Variants in NBPF26 observed in about 807,000 individuals in gnomAD.
The protein encoded by NBPF26 is NBPF member 26, also known as NBPF family member NBPF26.
NBPF26 carries 79 observed loss-of-function variants against 119.6 expected under a neutral mutation model. The observed-to-expected ratio is 0.66, with a 90% CI of 0.55 to 0.80. The LOEUF is 0.80. NBPF26 is among the 30% of genes least tolerant of loss of function. NBPF26 has a pLI of 0.00. For missense variants in NBPF26, 800 were observed against 1,198.2 expected, an observed-to-expected ratio of 0.67 and a Z score of 4.91; for synonymous variants, 299 against 457.7, an observed-to-expected ratio of 0.65 and a Z score of 4.43.
chr1:120,840,419 G>A lies in NBPF26; in HGVS notation c.4173G>A (p.Ser1391=), dbSNP rs1553273458. The change falls in exon 30 of 30, where the codon TCG becomes TCA. Residue 1391 remains serine (S), a synonymous_variant. Coordinates refer to ENST00000620612, the Ensembl canonical transcript of NBPF26. ...AGGACTCACTGGATATATGTTATTCGACTCCGTCAATGTACTTTGAACTAC... is the reference window on the plus strand; with the variant it reads ...AGGACTCACTGGATATATGTTATTCAACTCCGTCAATGTACTTTGAACTAC... 3.0e-4 allele frequency: 435 copies of A among 1,466,938 alleles called. 128 individuals carry two copies. In the African/African-American group the frequency reaches 6.8e-3, roughly 23 times the overall value. The allele number at this position is 1,466,938 out of a possible 1,614,324, so 90.9% of individuals were successfully genotyped here. A position where few individuals can be genotyped will look rare whatever the true frequency, so the allele number is the denominator to read the frequency against.
At position 120,790,240 on chromosome 1, in the gene NBPF26, G is replaced by A. The variant is rs1322768946; in HGVS notation, c.416-2921G>A. ...CTTGTTAGCCAGAATGGTCTGGATC[G>A]CCTGACCTCATGATCCACCCGCCTC... is the stretch of plus-strand genomic sequence containing the variant. On this transcript the variant is annotated intron_variant, in intron 3 of 29. Transcript: ENST00000620612. Among the ~76,000 whole-genome samples the A allele has an allele frequency of 8.4e-4, 89 of 106,164 alleles. 19 individuals are homozygous for A. The highest frequency in any genetic ancestry group is 1.1e-3 in the Non-Finnish European group (64 of 57,078). 69.6% of individuals were successfully genotyped at this position (106,164 alleles called of 152,430 possible).
downstream of NBPF26, chr1:120,841,053 G>C: frequency 1.2e-5 from 1 of 86,076 alleles, no homozygotes; most frequent in South Asian, 1.6e-4. Context: ...AACACAGGAG[G>C]GATCCTTGGC....
chr1:120,805,407 T>G lies in NBPF26; in HGVS notation c.752-149T>G, dbSNP rs1359331519. 1.6e-6 allele frequency: 2 copies of G among 1,236,258 alleles called. 1 individual carries two copies. Among genetic ancestry groups the G allele is most frequent in the Non-Finnish European group, 2.2e-6 (2 of 918,990 alleles). The allele number at this position is 1,236,258 out of a possible 1,614,324, so 76.6% of individuals were successfully genotyped here. On this transcript the variant is annotated intron_variant, in intron 4 of 29. Coordinates refer to ENST00000620612, the Ensembl canonical transcript of NBPF26. ...GGCACCTCGAACCTTGTTTTTGTGG[T>G]GAAGGATCCTAAAGTGCTGTGGGGA...
In NBPF26 at chr1:120,807,737, G is replaced by C. The variant is rs1230682979; in HGVS notation, c.1064+28G>C. ...GAGGGGACCCCATGGGGGCAGGCAG[G>C]GGGGCAGGTGTGTAAATCTCTGAAG... On this transcript the variant is annotated intron_variant, in intron 6 of 29. Transcript: ENST00000620612. 1.5e-5 allele frequency: 16 copies of C among 1,094,668 alleles called. 1 individual carries two copies. Among genetic ancestry groups the C allele is most frequent in the Non-Finnish European group, 2.1e-5 (16 of 761,858 alleles). 67.8% of individuals were successfully genotyped at this position (1,094,668 alleles called of 1,614,324 possible).
chr1:120,767,748 C>T (rs1267829229), intron 2 of NBPF26, among the ~76,000 whole-genome samples: 1 of 115,776 alleles, frequency 8.6e-6, no homozygotes, highest in African/African-American at 5.1e-5. Flanking sequence ...TTGCTTCAGA[C>T]TTTCAAATAT....
In NBPF26 at chr1:120,804,618, A is replaced by T. The variant is rs1471910262; in HGVS notation, c.752-938A>T. The stretch of plus-strand genomic sequence containing the variant: ...TTTGATCACTTGATACCTTGAAAAG[A>T]GGTCTTGTGGCACTAGAATGACATC... On this transcript the variant is annotated intron_variant, in intron 4 of 29. Coordinates refer to ENST00000620612, the Ensembl canonical transcript of NBPF26. 3.4e-5 allele frequency among the ~76,000 whole-genome samples: 4 copies of T among 118,996 alleles called. 2 individuals are homozygous for T. Among genetic ancestry groups the T allele is most frequent in the Non-Finnish European group, 6.6e-5 (4 of 60,582 alleles). The allele number at this position is 118,996 out of a possible 152,430, so 78.1% of individuals were successfully genotyped here. A position where few individuals can be genotyped will look rare whatever the true frequency, so the allele number is the denominator to read the frequency against.
chr1:120,781,712 T>C (rs1361035921), intron 2 of NBPF26, among the ~76,000 whole-genome samples: 65,625 of 85,820 alleles, frequency 0.76, 28,308 homozygotes, highest in African/African-American at 0.88. Context: ...TACAGGCGCC[T>C]GCCACCACGC....
chr1:120,814,874 G>T lies in NBPF26; in HGVS notation c.1923G>T (p.Gln641His). Reference sequence around the variant, plus strand: ...ACGCTCAGGAACGAGAGCTGACCCAGTTAAGGGAGAAGTTGCGGGAAGGGA... The same window carrying T: ...ACGCTCAGGAACGAGAGCTGACCCATTTAAGGGAGAAGTTGCGGGAAGGGA... Residue 641 changes from glutamine to histidine, a missense_variant, in exon 12 of 30, where the codon CAG becomes CAT. Gln to His is a conservative substitution (Grantham distance 24). Coordinates refer to ENST00000620612, the Ensembl canonical transcript of NBPF26. The T allele has an allele frequency of 4.0e-6, 5 of 1,246,514 alleles. 1 individual carries two copies. Among genetic ancestry groups the T allele is most frequent in the East Asian group, 2.3e-5 (1 of 43,760 alleles). The allele number at this position is 1,246,514 out of a possible 1,614,324, so 77.2% of individuals were successfully genotyped here. A position where few individuals can be genotyped will look rare whatever the true frequency, so the allele number is the denominator to read the frequency against.
Position 120,765,167 on chromosome 1 carries a change from A to G in NBPF26, c.155+1458A>G, listed in dbSNP as rs1651177282. On this transcript the variant is annotated intron_variant, in intron 2 of 29. Coordinates refer to ENST00000620612, the Ensembl canonical transcript of NBPF26. ...TCATTTAGTTTTTCTAGCTGGGGGA[A>G]AAAAAAAACATGTGGTGCATTCTCC... Among the ~76,000 whole-genome samples, 2 of 120,854 alleles carry G rather than the reference A, an allele frequency of 1.7e-5. 1 individual carries two copies. The highest frequency in any genetic ancestry group is 4.9e-4 in the South Asian group (2 of 4,084). The allele number at this position is 120,854 out of a possible 152,430, so 79.3% of individuals were successfully genotyped here. A position where few individuals can be genotyped will look rare whatever the true frequency, so the allele number is the denominator to read the frequency against.
In NBPF26 at chr1:120,822,009, T is replaced by A; in HGVS notation, c.2424-95T>A. On this transcript the variant is annotated intron_variant, in intron 15 of 29. Coordinates refer to ENST00000620612, the Ensembl canonical transcript of NBPF26. ...AAATGCCTTTGGTTTCTGTGACCAC[T>A]CCATTCTGTCTCCCATCAGATCATC... 3 of 1,307,812 alleles carry A rather than the reference T, an allele frequency of 2.3e-6. 1 individual carries two copies. Among genetic ancestry groups the A allele is most frequent in the Non-Finnish European group, 3.1e-6 (3 of 957,468 alleles). 81.0% of individuals were successfully genotyped at this position (1,307,812 alleles called of 1,614,324 possible). A position where few individuals can be genotyped will look rare whatever the true frequency, so the allele number is the denominator to read the frequency against.
intron 2 of NBPF26, among the ~76,000 whole-genome samples, chr1:120,770,665 A>G (rs1651253209): frequency 8.3e-6 from 1 of 120,890 alleles, no homozygotes. Context: ...AAGAGAAGTT[A>G]AATAATTCAC....
intron 4 of NBPF26, among the ~76,000 whole-genome samples, chr1:120,800,154 T>A: frequency 3.2e-5 from 1 of 31,112 alleles, no homozygotes; most frequent in Non-Finnish European, 5.4e-5. Flanking sequence ...TCCTCCTAAC[T>A]CCCTCCCAGC....
At chr1:120,802,833 G>T (rs1435322123) in intron 4 of NBPF26, among the ~76,000 whole-genome samples, 2 of 108,526 alleles carry the variant, frequency 1.8e-5, no homozygotes, top group African/African-American at 5.6e-5. Context: ...CTTAAAAAGG[G>T]AAAGTGTTCC....
At chr1:120,816,635 G>C in exon 14 of NBPF26, 1 of 1,063,494 alleles carries the variant, frequency 9.4e-7, no homozygotes, top group South Asian at 1.4e-5. Flanking sequence ...GATGCAGAAG[G>C]CTGAAGAAAA....
chr1:120,779,731 C>A lies in NBPF26; in HGVS notation c.156-5243C>A, dbSNP rs1429045067. On this transcript the variant is annotated intron_variant, in intron 2 of 29. Coordinates refer to ENST00000620612, the Ensembl canonical transcript of NBPF26. ...GTTTAGCCATGTTTTCACTCTCTAACCAAATTCAACTTTAGCCATCTCAAG... is the reference window on the plus strand; with the variant it reads ...GTTTAGCCATGTTTTCACTCTCTAAACAAATTCAACTTTAGCCATCTCAAG... Among the ~76,000 whole-genome samples the A allele has an allele frequency of 1.3e-4, 16 of 121,962 alleles. 2 individuals carry two copies. In the South Asian group the frequency reaches 3.1e-3, roughly 23 times the overall value. 80.0% of individuals were successfully genotyped at this position (121,962 alleles called of 152,430 possible). A position where few individuals can be genotyped will look rare whatever the true frequency, so the allele number is the denominator to read the frequency against.
chr1:120,779,330 G>T (rs1411684238), intron 2 of NBPF26, among the ~76,000 whole-genome samples: 1 of 69,506 alleles, frequency 1.4e-5, no homozygotes, highest in Non-Finnish European at 2.6e-5. Context: ...GACTTTTAAA[G>T]AAAAAGTCAT....
rs1652022994 is a variant in NBPF26, at chr1:120,816,994, C to A, written c.2371+167C>A. ...TTCTCAGCTAATGTCATGACTTTGTCTGCCAGTCCCCAGTATCAAGTTACT... is the reference window on the plus strand; with the variant it reads ...TTCTCAGCTAATGTCATGACTTTGTATGCCAGTCCCCAGTATCAAGTTACT... On this transcript the variant is annotated intron_variant, in intron 14 of 29. Coordinates refer to ENST00000620612, the Ensembl canonical transcript of NBPF26. 1.7e-5 allele frequency among the ~76,000 whole-genome samples: 2 copies of A among 119,982 alleles called. 1 individual carries two copies. The highest frequency in any genetic ancestry group is 4.9e-4 in the South Asian group (2 of 4,122). The allele number at this position is 119,982 out of a possible 152,430, so 78.7% of individuals were successfully genotyped here.
At position 120,805,808 on chromosome 1, in the gene NBPF26, T is replaced by A. The variant is rs1553269825; in HGVS notation, c.961+43T>A. Reference sequence around the variant, plus strand: ...ACCATCATGAAAGTGATGAATGATATCCTGTCTTCTCTCTGAGACACTAAA... The same window carrying A: ...ACCATCATGAAAGTGATGAATGATAACCTGTCTTCTCTCTGAGACACTAAA... On this transcript the variant is annotated intron_variant, in intron 5 of 29. Coordinates refer to ENST00000620612, the Ensembl canonical transcript of NBPF26. 41 of 1,265,720 alleles carry A rather than the reference T, an allele frequency of 3.2e-5. 10 individuals are homozygous for A. Among genetic ancestry groups the A allele is most frequent in the African/African-American group, 9.6e-5 (4 of 41,764 alleles). 78.4% of individuals were successfully genotyped at this position (1,265,720 alleles called of 1,614,324 possible).
intron 7 of NBPF26, among the ~76,000 whole-genome samples, chr1:120,809,005 A>G (rs1553270604): frequency 2.3e-4 from 26 of 113,342 alleles, no homozygotes; most frequent in African/African-American, 7.1e-4. Context: ...GGCAGCATCT[A>G]TCTAGTTTTA....
Sources: gnomAD v4.1 joint callset for allele counts (sites outside exome capture counted in the v4.1 genomes callset) on GRCh38, gnomAD v4.1.1 for gene constraint, MANE v1.5 for transcripts, NCBI Gene and HGNC (gene_info 2026-07-23, HGNC 2026-07-21) for gene names.